The following DDX23 variants were observed in gnomAD, a reference collection of about 807,000 sequenced individuals.
The protein encoded by DDX23 is DEAD-box helicase 23.
A neutral mutation model predicts 102.7 loss-of-function variants in DDX23; 33 were observed. The ratio of observed to expected loss-of-function variants is 0.32; its 90% CI spans 0.24 to 0.43. The LOEUF (loss-of-function observed/expected upper bound fraction) is 0.43. Ranked by LOEUF, DDX23 falls within the 20% of genes least tolerant of loss-of-function variation. The pLI is 1.00. For missense variants in DDX23, 549 were observed against 1,086.6 expected, an observed-to-expected ratio of 0.51 and a Z score of 6.96; for synonymous variants, 352 against 376.0, an observed-to-expected ratio of 0.94 and a Z score of 0.74.
intron 1 of DDX23, among the ~76,000 whole-genome samples, chr12:48,848,779 TCTTG>T (rs1938711248): frequency 6.9e-6 from 1 of 145,176 alleles, no homozygotes; most frequent in Non-Finnish European, 1.5e-5. Context: ...TGAGATGGAG[TCTTG>T]CTCTGTCGCC....
rs1268702328 is a variant in DDX23 at position 48,836,820 on chromosome 12, A to T, written c.1011-26T>A. 6.2e-7 allele frequency: 1 copy of T among 1,613,274 alleles called. No homozygotes were observed. Among genetic ancestry groups the T allele is most frequent in the Non-Finnish European group, 8.5e-7 (1 of 1,179,272 alleles). On this transcript the variant is annotated intron_variant, in intron 9 of 16. Transcript: ENST00000308025. This position sits in a 1 kb window ranked among gnomAD's most constrained non-coding sequence, Gnocchi z 6.1. Reference sequence around the variant, plus strand: ...CTGGAGCAGGGTGTGAGGAGTAAGTAGAATCAGTGCCCTCCAACTCCTTTC... The same window carrying T: ...CTGGAGCAGGGTGTGAGGAGTAAGTTGAATCAGTGCCCTCCAACTCCTTTC...
chr12:48,851,846 C>G (rs2137501144), intron 1 of DDX23, among the ~76,000 whole-genome samples: 1 of 152,364 alleles, frequency 6.6e-6, no homozygotes, highest in East Asian at 1.9e-4. Flanking sequence ...GCGCTGTGCC[C>G]ATAGGCAGAG....
intron 1 of DDX23, 46 bp downstream of exon 1, chr12:48,852,038 C>G (rs1212364903): frequency 6.6e-6 from 1 of 152,438 alleles, no homozygotes; most frequent in Non-Finnish European, 1.5e-5. Context: ...TGACTCTAGC[C>G]CTTTCTGTAA....
At chr12:48,840,289 TATGGCCCTGTC>T in intron 3 of DDX23, 183 bp from the exon 4 acceptor site, 1 of 670,228 alleles carries the variant, frequency 1.5e-6, no homozygotes, top group South Asian at 1.5e-5. Context: ...GAAACCTAAT[TATGGCCCTGTC>T]TTGGCCCCTT....
At position 48,829,816 on chromosome 12, in the gene DDX23, T is replaced by C. The variant is rs999195965; in HGVS notation, c.*653A>G. On this transcript the variant is annotated 3_prime_UTR_variant, in exon 17 of 17. Transcript: ENST00000308025. ...CATACAAACTTATCTTCTCAGAGAA[T>C]AGAAAACAGAGATTTCACTCAGTGA... 12 of 226,002 alleles carry C rather than the reference T, an allele frequency of 5.3e-5. No homozygotes were observed. Among genetic ancestry groups the C allele is most frequent in the Non-Finnish European group, 1.1e-4 (12 of 113,150 alleles). 14.0% of individuals were successfully genotyped at this position (226,002 alleles called of 1,614,324 possible). A position where few individuals can be genotyped will look rare whatever the true frequency, so the allele number is the denominator to read the frequency against.
At position 48,836,192 on chromosome 12, in the gene DDX23, A is replaced by G. The variant is rs1938465983; in HGVS notation, c.1311T>C (p.Thr437=). 1 of 1,613,948 alleles carries G rather than the reference A, an allele frequency of 6.2e-7. No individual in the cohort carries two copies. The highest frequency in any genetic ancestry group is 8.5e-7 in the Non-Finnish European group (1 of 1,180,038). ...GGAAGGCTGCTGTCTTGCCACTGCC[A>G]GTCTCAGCCACACCAATGATGTCAC... The part of the protein sequence containing the change: ...QNRDIIGVAE[T]GSGKTAAFLI... The change falls in exon 11 of 17, where the codon ACT becomes ACC. Residue 437 remains threonine, a synonymous_variant. Coordinates refer to ENST00000308025, the MANE Select transcript of DDX23 (RefSeq NM_004818.3). This position sits in a 1 kb window ranked among gnomAD's most constrained non-coding sequence, Gnocchi z 6.1.
At position 48,830,710 on chromosome 12, in the gene DDX23, C is replaced by T. The variant is rs773407869; in HGVS notation, c.2240-18G>A. 8 of 1,587,718 alleles carry T rather than the reference C, an allele frequency of 5.0e-6. No individual in the cohort carries two copies. The East Asian group carries it at 1.1e-4, about 22-fold the overall frequency. ...GATGTAATCTGGGGAATGGGAAGAA[C>T]GTCACTCAGCATAGCCCAGATGCCC... On this transcript the variant is annotated intron_variant, in intron 16 of 16. Coordinates refer to ENST00000308025, the MANE Select transcript of DDX23 (RefSeq NM_004818.3). The surrounding 1 kb of genome is among the most constrained non-coding windows in gnomAD (Gnocchi z 4.9).
intron 15 of DDX23, chr12:48,831,760 C>A: frequency 2.2e-6 from 1 of 462,774 alleles, no homozygotes. Flanking sequence ...TCTCAACGTA[C>A]CTAAGCAGTT....
intron 16 of DDX23, 45 bp downstream of exon 16, chr12:48,831,097 A>G (rs1295215970): frequency 6.2e-7 from 1 of 1,608,242 alleles, no homozygotes; most frequent in Non-Finnish European, 8.5e-7. Context: ...CACCATAAGG[A>G]ATCTGACTTC....
chr12:48,847,888 C>T (rs1309110898), intron 1 of DDX23, among the ~76,000 whole-genome samples: 1 of 152,230 alleles, frequency 6.6e-6, no homozygotes, highest in Non-Finnish European at 1.5e-5. Context: ...GCTATTTTCT[C>T]TGTACAGCAT....
At chr12:48,831,381 G>A (rs1938384153) in intron 15 of DDX23, 65 bp from the exon 16 acceptor site, 13 of 1,511,058 alleles carry the variant, frequency 8.6e-6, no homozygotes, top group Non-Finnish European at 1.2e-5. Flanking sequence ...GGAGTTCAGA[G>A]GAATGGGACA....
Position 48,845,707 on chromosome 12 carries a change from G to A in DDX23, c.76C>T (p.Pro26Ser). The A allele has an allele frequency of 6.2e-7, 1 of 1,614,200 alleles. No individual in the cohort carries two copies. The highest frequency in any genetic ancestry group is 8.5e-7 in the Non-Finnish European group (1 of 1,180,046). ...CGGTCTCTATCCCGCTCTCTGTCAGGAGTCCGTGATCGCTTCCTTTCCTCC... is the reference window on the plus strand; with the variant it reads ...CGGTCTCTATCCCGCTCTCTGTCAGAAGTCCGTGATCGCTTCCTTTCCTCC... ...SKEERKRSRT[P>S]DRERDRDRDR... Residue 26 changes from proline to serine, a missense_variant, in exon 2 of 17, where the codon CCT becomes TCT. By Grantham distance (74) the Pro-to-Ser change is moderately conservative. Around this residue, in one of 4 missense-constraint regions of DDX23, gnomAD observed 241 missense variants for 267.0 expected, o/e 0.90. Coordinates refer to ENST00000308025, the MANE Select transcript of DDX23 (RefSeq NM_004818.3).
intron 1 of DDX23, among the ~76,000 whole-genome samples, chr12:48,849,420 T>C (rs1312001203): frequency 1.3e-5 from 2 of 151,938 alleles, no homozygotes; most frequent in East Asian, 1.9e-4. Context: ...TCCCAGCACT[T>C]TGGGAGGCTG....
At chr12:48,844,268 A>G (rs1460713982) in intron 2 of DDX23, among the ~76,000 whole-genome samples, 2 of 152,158 alleles carry the variant, frequency 1.3e-5, no homozygotes, top group Admixed American at 6.6e-5. Flanking sequence ...GACTATGTGA[A>G]CAGATGAACC....
Position 48,845,752 on chromosome 12 carries a change from G to A in DDX23, c.31C>T (p.Arg11Cys), listed in dbSNP as rs747067894. 29 of 1,614,008 alleles carry A rather than the reference G, an allele frequency of 1.8e-5. No individual in the cohort carries two copies. The highest frequency in any genetic ancestry group is 8.9e-5 in the East Asian group (4 of 44,880). Reference protein sequence around the residue: MAGELADKKDRDASPSKEERK... With the variant: MAGELADKKDCDASPSKEERK... ...TCCTCCTTGGAAGGTGATGCATCACGGTCCTTTTTGTCAGCCAGCTCTCCT... is the reference window on the plus strand; with the variant it reads ...TCCTCCTTGGAAGGTGATGCATCACAGTCCTTTTTGTCAGCCAGCTCTCCT... Residue 11 changes from arginine (R) to cysteine (C), a missense_variant, in exon 2 of 17, where the codon CGT (arginine) becomes TGT (cysteine). By Grantham distance (180) the Arg-to-Cys change is radical (BLOSUM62 -3). This residue lies in a region of DDX23 where 241 missense variants were observed against 267.0 expected (regional missense o/e 0.90). Transcript: ENST00000308025.
Position 48,836,738 on chromosome 12 carries a change from T to C in DDX23, c.1067A>G (p.His356Arg), listed in dbSNP as rs1938471597. 2 of 1,614,114 alleles carry C rather than the reference T, an allele frequency of 1.2e-6. No individual in the cohort carries two copies. Among genetic ancestry groups the C allele is most frequent in the African/African-American group, 1.3e-5 (1 of 74,928 alleles). Residue 356 changes from histidine (H) to arginine (R), a missense_variant, in exon 10 of 17, where the codon CAT becomes CGT. Physicochemically the swap from His to Arg is conservative, Grantham distance 29. This residue lies in a region of DDX23 where 270 missense variants were observed against 707.0 expected (regional missense o/e 0.38). Coordinates refer to ENST00000308025, the MANE Select transcript of DDX23 (RefSeq NM_004818.3). This position sits in a 1 kb window ranked among gnomAD's most constrained non-coding sequence, Gnocchi z 6.1. ...CTCATCTAACTTTTTCTGAGACCAA[T>C]GACGATCATCCCAGCGCTGCTTGGC... ...KEAKQRWDDR[H>R]WSQKKLDEMT...
Position 48,832,977 on chromosome 12 carries a change from T to G in DDX23, c.1803+300A>C. The G allele has an allele frequency of 4.3e-6, 2 of 466,632 alleles. No homozygotes were observed. Among genetic ancestry groups the G allele is most frequent in the Non-Finnish European group, 7.7e-6 (2 of 259,744 alleles). The allele number at this position is 466,632 out of a possible 1,614,324, so 28.9% of individuals were successfully genotyped here. On this transcript the variant is annotated intron_variant, in intron 13 of 16. Transcript: ENST00000308025. This position sits in a 1 kb window ranked among gnomAD's most constrained non-coding sequence, Gnocchi z 4.4. ...AGGCCCAAAAGGAGGTTGGCAACCT[T>G]GTACAACTTTTCTTTTTTTTTGAGA...
intron 2 of DDX23, among the ~76,000 whole-genome samples, chr12:48,844,825 G>A (rs963259278): frequency 6.6e-6 from 1 of 151,446 alleles, no homozygotes; most frequent in African/African-American, 2.4e-5. Flanking sequence ...ACACCTGCAG[G>A]TCCAACTGGG....
rs1049132790 is a variant in DDX23 at position 48,841,617 on chromosome 12, C to T, written c.321-1511G>A. Among the ~76,000 whole-genome samples, 37 of 152,374 alleles carry T rather than the reference C, an allele frequency of 2.4e-4. 1 individual carries two copies. Among genetic ancestry groups the T allele is most frequent in the South Asian group, 6.2e-4 (3 of 4,830 alleles). On this transcript the variant is annotated intron_variant, in intron 3 of 16. Coordinates refer to ENST00000308025, the MANE Select transcript of DDX23 (RefSeq NM_004818.3). ...CTGCGATTGCAGGCGTGCGCCGCCACGCCTGACTGGTTTTCGTATTTTTTT... is the reference window on the plus strand; with the variant it reads ...CTGCGATTGCAGGCGTGCGCCGCCATGCCTGACTGGTTTTCGTATTTTTTT...
Sources: gnomAD v4.1 joint callset for allele counts (sites outside exome capture counted in the v4.1 genomes callset) on GRCh38, gnomAD v4.1.1 for gene constraint, gnomAD v4.1.1 regional missense constraint, Gnocchi (gnomAD v3.1) non-coding constraint, MANE v1.5 for transcripts, NCBI Gene and HGNC (gene_info 2026-07-23, HGNC 2026-07-21) for gene names.